Variants in ZNF449 observed in about 807,000 individuals in gnomAD.
ZNF449 encodes zinc finger protein 449, also known as zinc finger and SCAN domain-containing protein 19.
In ZNF449, 4 loss-of-function variants were observed where a neutral mutation model predicts 32.6. That is an observed-to-expected ratio of 0.12 (90% CI 0.06 to 0.28). The LOEUF is 0.28. ZNF449 is among the 10% of genes least tolerant of loss of function. ZNF449 has a pLI of 1.00. For synonymous variants in ZNF449, 123 were observed against 132.2 expected (o/e 0.93, Z 0.48); for missense variants, 275 against 383.2 (o/e 0.72, Z 2.36).
intron 3 of ZNF449, among the ~76,000 whole-genome samples, chrX:135,356,708 T>G (rs1556451993): frequency 3.6e-5 from 4 of 111,730 alleles, no homozygotes. Flanking sequence ...TGAACACATA[T>G]TTCATATGTT....
In ZNF449 at chrX:135,358,587, A is replaced by T. The variant is rs142251846; in HGVS notation, c.560-1305A>T. 5.4e-5 allele frequency among the ~76,000 whole-genome samples: 6 copies of T among 112,022 alleles called. No individual in the cohort carries two copies. In the East Asian group the frequency reaches 1.7e-3, roughly 31 times the overall value. ...CAATACACTATATACATATTTTTAT[A>T]CAGTTGCCTTTTACATCTTTTAACA... On this transcript the variant is annotated intron_variant, in intron 3 of 4. Coordinates refer to ENST00000339249, the MANE Select transcript of ZNF449 (RefSeq NM_152695.6).
intron 3 of ZNF449, among the ~76,000 whole-genome samples, chrX:135,350,519 A>G (rs1029742649): frequency 3.6e-5 from 4 of 112,220 alleles, no homozygotes; most frequent in Admixed American, 9.4e-5. Flanking sequence ...TAACTAGCTC[A>G]GTACCCAGGA....
chrX:135,359,231 G>A (rs7887028), intron 3 of ZNF449, among the ~76,000 whole-genome samples: 1,888 of 111,434 alleles, frequency 0.017, 49 homozygotes, highest in African/African-American at 0.058. Flanking sequence ...TGTCAATGAG[G>A]AGAGGGGTGG....
intron 3 of ZNF449, among the ~76,000 whole-genome samples, chrX:135,349,775 C>G (rs2148503843): frequency 8.9e-6 from 1 of 112,044 alleles, no homozygotes; most frequent in South Asian, 3.7e-4. Flanking sequence ...AAATCAAAAC[C>G]TATTACAGTG....
Position 135,361,193 on chromosome X carries a change from C to CTT in ZNF449, c.*126_*127dup. 3.2e-5 allele frequency: 17 copies of CTT among 534,165 alleles called. No homozygotes were observed. The highest frequency in any genetic ancestry group is 3.8e-5 in the Non-Finnish European group (14 of 364,246). The allele number at this position is 534,165 out of a possible 1,213,427, so 44.0% of individuals were successfully genotyped here. On this transcript the variant is annotated 3_prime_UTR_variant, in exon 5 of 5. Transcript: ENST00000339249. ...TTTGAGCTTATAAGAACATAGACAG[C>CTT]TTTTTTTTTTACTAGTTTTAAAACC...
chrX:135,358,502 C>T (rs1401213253), intron 3 of ZNF449, among the ~76,000 whole-genome samples: 2 of 111,685 alleles, frequency 1.8e-5, no homozygotes, highest in Non-Finnish European at 3.8e-5. Context: ...TTTGCTCTTA[C>T]CCACCTCATT....
At chrX:135,357,197 T>G (rs1299835176) in intron 3 of ZNF449, among the ~76,000 whole-genome samples, 1 of 111,728 alleles carries the variant, frequency 9.0e-6, no homozygotes, top group Non-Finnish European at 1.9e-5. Context: ...ATGTCTTATC[T>G]AAGAAATAAT....
intron 3 of ZNF449, among the ~76,000 whole-genome samples, chrX:135,351,647 T>C (rs1350520119): frequency 2.2e-5 from 2 of 91,598 alleles, no homozygotes; most frequent in Admixed American, 1.3e-4. Flanking sequence ...TCATAGTCTA[T>C]TGAGGAATTC....
intron 2 of ZNF449, 77 bp downstream of exon 2, chrX:135,347,549 G>A: frequency 8.4e-7 from 1 of 1,184,209 alleles, no homozygotes; most frequent in Non-Finnish European, 1.1e-6. Context: ...CCACACATTT[G>A]TCTCTATGTC....
Position 135,347,073 on chromosome X carries a change from T to A in ZNF449, c.-46T>A. On this transcript the variant is annotated 5_prime_UTR_variant, in exon 2 of 5. Transcript: ENST00000339249. ...TTTCAGAGAGAAACAAGTCGGAATC[T>A]GAGAAGTGAGGCTCCAGATAAACTG... 1 of 1,135,017 alleles carries A rather than the reference T, an allele frequency of 8.8e-7. No individual in the cohort carries two copies. The highest frequency in any genetic ancestry group is 1.2e-6 in the Non-Finnish European group (1 of 848,789). The allele number at this position is 1,135,017 out of a possible 1,213,427, so 93.5% of individuals were successfully genotyped here. A position where few individuals can be genotyped will look rare whatever the true frequency, so the allele number is the denominator to read the frequency against.
In ZNF449 at chrX:135,362,549, G is replaced by A. The variant is rs958132152; in HGVS notation, c.*1473G>A. The A allele has an allele frequency of 8.9e-6, 1 of 112,317 alleles. No individual in the cohort carries two copies. The highest frequency in any genetic ancestry group is 1.9e-5 in the Non-Finnish European group (1 of 53,176). 9.3% of individuals were successfully genotyped at this position (112,317 alleles called of 1,213,427 possible). On this transcript the variant is annotated 3_prime_UTR_variant, in exon 5 of 5. Transcript: ENST00000339249. Reference sequence around the variant, plus strand: ...CTGTTAAAACATGAAAATATTCATTGAGCCTAGTTCCTTGTTATAAAATAC... The same window carrying A: ...CTGTTAAAACATGAAAATATTCATTAAGCCTAGTTCCTTGTTATAAAATAC...
rs1556448654 is a variant in ZNF449 at position 135,347,307 on chromosome X, G to A, written c.189G>A (p.Met63Ile). Residue 63 changes from methionine to isoleucine, a missense_variant, in exon 2 of 5, where the codon ATG (methionine) becomes ATA (isoleucine). Physicochemically the swap from Met to Ile is conservative, Grantham distance 10. Around this residue, in one of 3 missense-constraint regions of ZNF449, gnomAD observed 30 missense variants for 61.6 expected, o/e 0.49. Coordinates refer to ENST00000339249, the MANE Select transcript of ZNF449 (RefSeq NM_152695.6). ...ELCCQWLKPKMRSKEQILELL... is the reference protein window; with the variant it reads ...ELCCQWLKPKIRSKEQILELL... ...GCTGTCAATGGCTGAAGCCAAAGAT[G>A]CGCTCTAAGGAACAAATCCTGGAGC... 1 of 1,211,090 alleles carries A rather than the reference G, an allele frequency of 8.3e-7. No homozygotes were observed. The highest frequency in any genetic ancestry group is 3.0e-5 in the East Asian group (1 of 33,817).
At position 135,362,803 on chromosome X, in the gene ZNF449, TTTAG is replaced by T. The variant is rs2084954851; in HGVS notation, c.*1731_*1734del. 1 of 111,836 alleles carries T rather than the reference TTTAG, an allele frequency of 8.9e-6. No homozygotes were observed. Among genetic ancestry groups the T allele is most frequent in the Non-Finnish European group, 1.9e-5 (1 of 53,118 alleles). The allele number at this position is 111,836 out of a possible 1,213,427, so 9.2% of individuals were successfully genotyped here. The stretch of plus-strand genomic sequence containing the variant: ...AGGCTCATAAAGATTTTATAATATT[TTTAG>T]TTAAACAAGAGTTGGGAAACAGGTG... On this transcript the variant is annotated 3_prime_UTR_variant, in exon 5 of 5. Coordinates refer to ENST00000339249, the MANE Select transcript of ZNF449 (RefSeq NM_152695.6).
rs1556449427 is a variant in ZNF449 at position 135,349,115 on chromosome X, T to C, written c.360T>C (p.Asp120=). 8.3e-7 allele frequency: 1 copy of C among 1,211,201 alleles called. No homozygotes were observed. The highest frequency in any genetic ancestry group is 1.8e-5 in the South Asian group (1 of 56,972). Residue 120 remains aspartate, a synonymous_variant, in exon 3 of 5, where the codon GAT becomes GAC. Coordinates refer to ENST00000339249, the MANE Select transcript of ZNF449 (RefSeq NM_152695.6). ...RELEIPEQQV[D]MHDMLLEELA... Reference sequence around the variant, plus strand: ...GGTTCTGGCATTTCCCCCAGGTTGATATGCATGACATGCTCTTGGAAGAAC... The same window carrying C: ...GGTTCTGGCATTTCCCCCAGGTTGACATGCATGACATGCTCTTGGAAGAAC...
intron 3 of ZNF449, among the ~76,000 whole-genome samples, chrX:135,356,605 GGAAATCCA>G (rs2084919154): frequency 9.0e-6 from 1 of 111,099 alleles, no homozygotes; most frequent in Non-Finnish European, 1.9e-5. Context: ...TTGTGCAGTT[GGAAATCCA>G]TATACATAAC....
At position 135,347,458 on chromosome X, in the gene ZNF449, A is replaced by G. The variant is rs372233445; in HGVS notation, c.340A>G (p.Ile114Val). ...LIEDLQRELEIPEQQVDMHDM... is the reference protein window; with the variant it reads ...LIEDLQRELEVPEQQVDMHDM... ...AGAAGACTTACAGAGAGAACTTGAG[A>G]TACCAGAGCAGCAGGTAAGAAAAGA... Residue 114 changes from isoleucine (I) to valine (V), a missense_variant, in exon 2 of 5, where the codon ATA becomes GTA. This residue lies in a region of ZNF449 where 165 missense variants were observed against 175.0 expected (regional missense o/e 0.94). Transcript: ENST00000339249. 2 of 1,211,959 alleles carry G rather than the reference A, an allele frequency of 1.7e-6. No individual in the cohort carries two copies. Among genetic ancestry groups the G allele is most frequent in the Non-Finnish European group, 2.2e-6 (2 of 895,552 alleles).
chrX:135,347,693 T>C, intron 2 of ZNF449: 1 of 1,057,059 alleles, frequency 9.5e-7, no homozygotes, highest in African/African-American at 1.9e-5. Context: ...ATGTCCACTT[T>C]ACTATGCACA....
chrX:135,347,594 T>C (rs986267043), intron 2 of ZNF449, 122 bp downstream of exon 2: 5 of 1,164,066 alleles, frequency 4.3e-6, no homozygotes, highest in Admixed American at 2.6e-5. Flanking sequence ...AGAGTCCTCT[T>C]CCTTTTTCTC....
intron 3 of ZNF449, among the ~76,000 whole-genome samples, chrX:135,350,782 G>A (rs1210850774): frequency 4.5e-5 from 5 of 111,747 alleles, no homozygotes; most frequent in African/African-American, 1.3e-4. Context: ...AGGATGCCCA[G>A]GAGCATGGAG....
Sources: gnomAD v4.1 joint callset for allele counts (sites outside exome capture counted in the v4.1 genomes callset) on GRCh38, gnomAD v4.1.1 for gene constraint, gnomAD v4.1.1 regional missense constraint, MANE v1.5 for transcripts, NCBI Gene and HGNC (gene_info 2026-07-23, HGNC 2026-07-21) for gene names.